The following CPQ variants were observed in gnomAD, a reference collection of about 807,000 sequenced individuals.
CPQ encodes carboxypeptidase Q.
Under a neutral mutation model 45.7 loss-of-function variants are expected in CPQ, and 37 were observed. The observed-to-expected ratio is 0.81, with a 90% confidence interval of 0.62 to 1.07. The LOEUF is 1.07. CPQ is among the 50% of genes least tolerant of loss of function. The pLI is 0.00. For synonymous variants in CPQ, 186 were observed against 205.8 expected (o/e 0.90, Z 0.82); for missense variants, 537 against 572.9 (o/e 0.94, Z 0.64).
intron 1 of CPQ, among the ~76,000 whole-genome samples, chr8:96,710,945 T>C (rs972643848): frequency 6.6e-6 from 1 of 152,184 alleles, no homozygotes; most frequent in East Asian, 1.9e-4. Context: ...CAGTGGAGCA[T>C]TGAAGTTCCC....
intron 4 of CPQ, among the ~76,000 whole-genome samples, chr8:96,938,058 A>T (rs933228441): frequency 1.2e-4 from 19 of 152,232 alleles, no homozygotes; most frequent in Non-Finnish European, 2.9e-5. Flanking sequence ...GTTATATAAT[A>T]CAGAAATGTA....
At chr8:96,906,167 A>G (rs1191421086) in intron 4 of CPQ, among the ~76,000 whole-genome samples, 1 of 152,166 alleles carries the variant, frequency 6.6e-6, no homozygotes, top group African/African-American at 2.4e-5. Context: ...ATGCTGCCCT[A>G]GACAACTGAT....
At chr8:96,732,410 A>G (rs1426833292) in intron 1 of CPQ, 1 of 152,204 alleles carries the variant, frequency 6.6e-6, no homozygotes, top group Non-Finnish European at 1.5e-5. Context: ...TGCTTAGGCC[A>G]ATTAAGATGT....
At chr8:96,663,449 T>C (rs922108000) in intron 1 of CPQ, among the ~76,000 whole-genome samples, 2 of 152,242 alleles carry the variant, frequency 1.3e-5, no homozygotes, top group Non-Finnish European at 2.9e-5. Flanking sequence ...TACTGTTGTA[T>C]GCTCTTCCTT....
At chr8:97,087,327 G>A (rs912138293) in intron 7 of CPQ, among the ~76,000 whole-genome samples, 3 of 152,090 alleles carry the variant, frequency 2.0e-5, no homozygotes, top group Non-Finnish European at 4.4e-5. Flanking sequence ...GTGAAAAACC[G>A]AAGGGGAATC....
At chr8:96,967,072 C>T (rs757436460) in intron 5 of CPQ, among the ~76,000 whole-genome samples, 3 of 152,134 alleles carry the variant, frequency 2.0e-5, no homozygotes, top group South Asian at 2.1e-4. Flanking sequence ...ATCTGGGAGA[C>T]GCTATGTTAA....
chr8:96,983,643 C>T (rs1194025475), intron 5 of CPQ, among the ~76,000 whole-genome samples: 1 of 152,060 alleles, frequency 6.6e-6, no homozygotes, highest in East Asian at 1.9e-4. Context: ...TATTAAAAGG[C>T]CCCATTAGGA....
At chr8:96,937,739 C>T (rs1308595073) in intron 4 of CPQ, among the ~76,000 whole-genome samples, 3 of 152,156 alleles carry the variant, frequency 2.0e-5, no homozygotes, top group African/African-American at 7.2e-5. Context: ...AAGCCTCTGT[C>T]GAGCGACTCT....
chr8:96,963,899 G>T (rs1813506271), intron 4 of CPQ, among the ~76,000 whole-genome samples: 2 of 151,814 alleles, frequency 1.3e-5, no homozygotes, highest in South Asian at 4.2e-4. Context: ...TATATAAATG[G>T]ATTTATACAT....
chr8:97,037,124 T>C (rs754154535), intron 6 of CPQ, among the ~76,000 whole-genome samples: 3 of 152,206 alleles, frequency 2.0e-5, no homozygotes, highest in Non-Finnish European at 2.9e-5. Flanking sequence ...TACACTAAAG[T>C]GTTAGCTTCT....
chr8:96,952,281 A>AT (rs984443627), intron 4 of CPQ, among the ~76,000 whole-genome samples: 139 of 152,230 alleles, frequency 9.1e-4, no homozygotes, highest in African/African-American at 3.3e-3. Flanking sequence ...TCTGGCTTCT[A>AT]TTTTCAGGCC....
At chr8:97,015,580 A>T (rs1293111806) in intron 5 of CPQ, among the ~76,000 whole-genome samples, 2 of 152,190 alleles carry the variant, frequency 1.3e-5, no homozygotes, top group Non-Finnish European at 2.9e-5. Context: ...ACACATAAAA[A>T]AGAAGATAAG....
chr8:96,774,930 G>T (rs1810587732), intron 1 of CPQ, among the ~76,000 whole-genome samples: 1 of 152,172 alleles, frequency 6.6e-6, no homozygotes, highest in Non-Finnish European at 1.5e-5. Flanking sequence ...CTGACTAAGT[G>T]GCTAAAAGAA....
intron 2 of CPQ, among the ~76,000 whole-genome samples, chr8:96,811,971 A>G (rs985325939): frequency 2.0e-5 from 3 of 152,224 alleles, no homozygotes; most frequent in African/African-American, 7.2e-5. Flanking sequence ...TTAGAAATCC[A>G]CATTAGTGAT....
At chr8:97,095,062 G>A (rs1043441112) in intron 7 of CPQ, among the ~76,000 whole-genome samples, 8 of 151,510 alleles carry the variant, frequency 5.3e-5, no homozygotes, top group South Asian at 2.1e-4. Flanking sequence ...TTCCTTTTTC[G>A]CTTCCCTTCC....
At chr8:97,028,451 G>A (rs1809837507) in intron 5 of CPQ, among the ~76,000 whole-genome samples, 1 of 152,182 alleles carries the variant, frequency 6.6e-6, no homozygotes, top group South Asian at 2.1e-4. Context: ...CCTTCCCTAT[G>A]GCTCCCCATG....
chr8:96,894,324 T>G (rs1812416599), intron 4 of CPQ, among the ~76,000 whole-genome samples: 1 of 152,110 alleles, frequency 6.6e-6, no homozygotes, highest in South Asian at 2.1e-4. Flanking sequence ...AGTTTTGGGG[T>G]AAACTAATAC....
chr8:96,751,576 A>G (rs563747892), intron 1 of CPQ, among the ~76,000 whole-genome samples: 67 of 152,198 alleles, frequency 4.4e-4, no homozygotes, highest in African/African-American at 1.6e-3. Context: ...ATTTTCTCCC[A>G]TTCTGTAGGT....
At chr8:96,795,465 C>G (rs549345200) in intron 2 of CPQ, among the ~76,000 whole-genome samples, 1 of 152,270 alleles carries the variant, frequency 6.6e-6, no homozygotes, top group South Asian at 2.1e-4. Flanking sequence ...ATATAATCAC[C>G]TATGATATTT....
Sources: allele counts gnomAD v4.1 joint callset (sites outside exome capture counted in the v4.1 genomes callset), GRCh38; gene constraint gnomAD v4.1.1; transcripts MANE v1.5; gene names NCBI Gene and HGNC (gene_info 2026-07-23, HGNC 2026-07-21).